SOX6: variants seen among roughly 807,000 people sequenced by gnomAD.
SOX6 encodes transcription factor SOX-6.
A neutral mutation model predicts 97.8 loss-of-function variants in SOX6; 11 were observed. That is an observed-to-expected ratio of 0.11 (90% CI 0.07 to 0.19). SOX6 has a LOEUF of 0.19. Among genes scored for constraint, SOX6 ranks in the 10% least tolerant of loss-of-function variants. SOX6 has a pLI of 1.00. For synonymous variants in SOX6, 360 were observed against 371.4 expected (o/e 0.97, Z 0.35); for missense variants, 810 against 1,039.5 (o/e 0.78, Z 3.04).
At chr11:16,183,811 G>A in intron 6 of SOX6, 75 bp downstream of exon 6, 2 of 1,359,076 alleles carry the variant, frequency 1.5e-6, no homozygotes, top group Non-Finnish European at 2.1e-6. Flanking sequence ...GGGTACATCT[G>A]CAGAGTTTTA....
At chr11:16,100,333 A>G (rs1253959556) in intron 7 of SOX6, among the ~76,000 whole-genome samples, 3 of 151,784 alleles carry the variant, frequency 2.0e-5, no homozygotes, top group Non-Finnish European at 2.9e-5. Flanking sequence ...TTTATGCACT[A>G]CTGTAATCTG....
At chr11:16,630,072 T>C (rs1189865416) in intron 3 of SOX6, among the ~76,000 whole-genome samples, 1 of 152,182 alleles carries the variant, frequency 6.6e-6, no homozygotes, top group African/African-American at 2.4e-5. Flanking sequence ...TATGGATTTT[T>C]GGGTCTCAAT....
chr11:16,391,060 G>C (rs1428775477), intron 1 of SOX6, among the ~76,000 whole-genome samples: 2 of 152,152 alleles, frequency 1.3e-5, no homozygotes, highest in Non-Finnish European at 2.9e-5. Context: ...GATGAAGCTG[G>C]AAACCGTCAT....
At chr11:16,446,848 T>C (rs16933117) in intron 1 of SOX6, among the ~76,000 whole-genome samples, 30,789 of 151,976 alleles carry the variant, frequency 0.2, 3,370 homozygotes, top group Admixed American at 0.32. Flanking sequence ...TAAGTTTTTC[T>C]ATCCAGCATT....
intron 1 of SOX6, among the ~76,000 whole-genome samples, chr11:16,393,479 T>C (rs1016244699): frequency 6.6e-6 from 1 of 152,090 alleles, no homozygotes; most frequent in African/African-American, 2.4e-5. Context: ...ACTTTCTCTT[T>C]TAAAATATCT....
intron 2 of SOX6, among the ~76,000 whole-genome samples, chr11:16,729,336 T>C (rs1192295142): frequency 3.3e-5 from 5 of 152,144 alleles, no homozygotes. Flanking sequence ...AGAGAAAGGC[T>C]GGGTTACCCA....
At chr11:16,242,545 A>C (rs1309224776) in intron 3 of SOX6, among the ~76,000 whole-genome samples, 1 of 151,880 alleles carries the variant, frequency 6.6e-6, no homozygotes, top group Non-Finnish European at 1.5e-5. Flanking sequence ...ATTGCTACTT[A>C]CAATAACTTG....
intron 6 of SOX6, among the ~76,000 whole-genome samples, chr11:16,145,142 CT>C: frequency 6.6e-6 from 1 of 152,286 alleles, no homozygotes. Flanking sequence ...CATCAAAAAC[CT>C]TATCCACCAT....
At chr11:16,664,330 A>AC (rs1847789121) in intron 3 of SOX6, among the ~76,000 whole-genome samples, 2 of 152,134 alleles carry the variant, frequency 1.3e-5, no homozygotes, top group East Asian at 3.8e-4. Flanking sequence ...TGCCACCCCT[A>AC]CCCCATCCCC....
intron 1 of SOX6, among the ~76,000 whole-genome samples, chr11:16,352,293 T>TGGAA: frequency 6.8e-6 from 1 of 147,822 alleles, no homozygotes; most frequent in Non-Finnish European, 1.5e-5. Flanking sequence ...GATGGATGGA[T>TGGAA]GGATGGAAGG....
At chr11:16,585,996 A>T (rs1239058996) in intron 4 of SOX6, among the ~76,000 whole-genome samples, 1 of 152,108 alleles carries the variant, frequency 6.6e-6, no homozygotes, top group Non-Finnish European at 1.5e-5. Flanking sequence ...AATATTTTAA[A>T]CTTTGGGGAC....
At chr11:16,483,810 T>C (rs1462915007) in intron 4 of SOX6, among the ~76,000 whole-genome samples, 2 of 152,204 alleles carry the variant, frequency 1.3e-5, no homozygotes, top group Non-Finnish European at 2.9e-5. Flanking sequence ...GTTCCTGTTG[T>C]AGTTGAGTGA....
At chr11:16,365,369 T>C (rs1857331302) in intron 1 of SOX6, among the ~76,000 whole-genome samples, 1 of 151,818 alleles carries the variant, frequency 6.6e-6, no homozygotes, top group Admixed American at 6.6e-5. Context: ...GTAATTATTA[T>C]TATCATAAAT....
At chr11:16,082,421 T>C (rs1590184583) in intron 9 of SOX6, among the ~76,000 whole-genome samples, 1 of 152,190 alleles carries the variant, frequency 6.6e-6, no homozygotes, top group East Asian at 1.9e-4. Flanking sequence ...TATAGATTTC[T>C]TACTTCTTGC....
chr11:16,238,256 G>GT (rs1247131668), intron 3 of SOX6, among the ~76,000 whole-genome samples: 3 of 151,846 alleles, frequency 2.0e-5, no homozygotes, highest in Non-Finnish European at 4.4e-5. Flanking sequence ...ATTGTTTCTG[G>GT]TTTTTTCTTT....
intron 3 of SOX6, among the ~76,000 whole-genome samples, chr11:16,625,196 C>T (rs1848606792): frequency 6.6e-6 from 1 of 152,038 alleles, no homozygotes; most frequent in African/African-American, 2.4e-5. Context: ...AAACAAATTC[C>T]ATTATCTTGT....
At chr11:16,703,854 C>T (rs935441816) in intron 3 of SOX6, among the ~76,000 whole-genome samples, 8 of 152,032 alleles carry the variant, frequency 5.3e-5, no homozygotes, top group African/African-American at 9.7e-5. Context: ...TTTCTCTCAC[C>T]CCCAGGTACT....
chr11:16,095,929 A>T, intron 9 of SOX6, 67 bp downstream of exon 9: 1 of 1,544,976 alleles, frequency 6.5e-7, no homozygotes, highest in Non-Finnish European at 8.7e-7. Context: ...AAAAAAAAAA[A>T]AAGCCTAGAG....
Position 16,569,427 on chromosome 11 carries a change from T to C in SOX6, n.609+42654A>G, listed in dbSNP as rs981886295. Among the ~76,000 whole-genome samples the C allele has an allele frequency of 1.1e-4, 17 of 152,284 alleles. No individual in the cohort carries two copies. The South Asian group carries it at 1.2e-3, about 11-fold the overall frequency. ...CTAATTATGTGTTAACAGAAATTATTTTGGGTGCTCCAGTGGTACAATCAG... is the reference window on the plus strand; with the variant it reads ...CTAATTATGTGTTAACAGAAATTATCTTGGGTGCTCCAGTGGTACAATCAG... On this transcript the variant is annotated intron_variant and non_coding_transcript_variant, in intron 4 of 5. Transcript: ENST00000524520.
Sources: allele counts gnomAD v4.1 joint callset (sites outside exome capture counted in the v4.1 genomes callset), GRCh38; gene constraint gnomAD v4.1.1; transcripts MANE v1.5; gene names NCBI Gene and HGNC (gene_info 2026-07-23, HGNC 2026-07-21).